KRAS: variants seen among roughly 807,000 people sequenced by gnomAD.
KRAS encodes the protein GTPase KRas.
A neutral mutation model predicts 21.0 loss-of-function variants in KRAS; 1 was observed. The ratio of observed to expected loss-of-function variants is 0.05; its 90% CI spans 0.02 to 0.23. The LOEUF (loss-of-function observed/expected upper bound fraction) is 0.23, where lower values mean the gene tolerates loss of function less well. KRAS is among the 10% of genes least tolerant of loss of function. The probability of loss-of-function intolerance (pLI) is 1.00; values close to 1 mark genes in which losing one functional copy is unlikely to be tolerated. For missense variants in KRAS, 107 were observed against 221.8 expected (o/e 0.48, Z 3.29); for synonymous variants, 67 against 72.5 (o/e 0.92, Z 0.39).
chr12:25,243,592 A>ACTTTATTTGG (rs946914976), intron 2 of KRAS, among the ~76,000 whole-genome samples: 1 of 152,202 alleles, frequency 6.6e-6, no homozygotes, highest in African/African-American at 2.4e-5. Flanking sequence ...CTCATATAGC[A>ACTTTATTTGG]CTCATGACCT....
chr12:25,230,879 A>G (rs17329025), intron 2 of KRAS, among the ~76,000 whole-genome samples: 57,892 of 151,908 alleles, frequency 0.38, 12,957 homozygotes, highest in East Asian at 0.79. Flanking sequence ...TTGAGCATTC[A>G]GTTGACATTT....
intron 4 of KRAS, among the ~76,000 whole-genome samples, chr12:25,221,253 GAC>G (rs1951321605): frequency 7.0e-6 from 1 of 142,274 alleles, no homozygotes; most frequent in Non-Finnish European, 1.5e-5. Flanking sequence ...TTTTTTTTGA[GAC>G]AGAGTCTCGC....
At chr12:25,244,016 T>G (rs1951644512) in intron 2 of KRAS, among the ~76,000 whole-genome samples, 1 of 152,204 alleles carries the variant, frequency 6.6e-6, no homozygotes, top group African/African-American at 2.4e-5. Context: ...TTTTTTATAG[T>G]ACCAAAAATA....
chr12:25,218,802 T>C (rs1354082259), intron 4 of KRAS, among the ~76,000 whole-genome samples: 1 of 152,188 alleles, frequency 6.6e-6, no homozygotes, highest in Non-Finnish European at 1.5e-5. Flanking sequence ...AGATAAAATA[T>C]AGCTGAAACA....
chr12:25,237,817 G>A (rs1565889041), intron 2 of KRAS, among the ~76,000 whole-genome samples: 1 of 152,110 alleles, frequency 6.6e-6, no homozygotes, highest in East Asian at 1.9e-4. Context: ...CTACACGCAG[G>A]CCAAAAAGTA....
In KRAS at chr12:25,208,145, T is replaced by C. The variant is rs1342685443; in HGVS notation, c.*1650A>G. 2 of 229,518 alleles carry C rather than the reference T, an allele frequency of 8.7e-6. No individual in the cohort carries two copies. Among genetic ancestry groups the C allele is most frequent in the Non-Finnish European group, 1.7e-5 (2 of 116,932 alleles). The allele number at this position is 229,518 out of a possible 1,614,324, so 14.2% of individuals were successfully genotyped here. On this transcript the variant is annotated 3_prime_UTR_variant, in exon 5 of 5. Transcript: ENST00000311936. ...ACAAATAAGTGTATCCTTATGTAAA[T>C]GGAATATAAATTACATAGTTGTAAA... is the stretch of plus-strand genomic sequence containing the variant.
At chr12:25,224,864 T>A (rs1951370227) in intron 4 of KRAS, among the ~76,000 whole-genome samples, 1 of 152,154 alleles carries the variant, frequency 6.6e-6, no homozygotes, top group Admixed American at 6.5e-5. Flanking sequence ...TTAGAAAGTA[T>A]CCCTGTCATT....
chr12:25,222,918 A>AACAAG (rs1951345943), intron 4 of KRAS, among the ~76,000 whole-genome samples: 1 of 152,200 alleles, frequency 6.6e-6, no homozygotes. Context: ...AAGTGGGACT[A>AACAAG]ACAAGACTCT....
chr12:25,214,140 TG>T (rs750089248), intron 4 of KRAS, among the ~76,000 whole-genome samples: 1 of 152,196 alleles, frequency 6.6e-6, no homozygotes, highest in South Asian at 2.1e-4. Flanking sequence ...AGTAGGAGAC[TG>T]GGGAATCATG....
At chr12:25,225,250 C>T (rs996882811) in intron 4 of KRAS, 2 of 143,064 alleles carry the variant, frequency 1.4e-5, no homozygotes, top group Non-Finnish European at 3.0e-5. Context: ...AAAGTACTAC[C>T]GAAATAGAAA....
Position 25,250,912 on chromosome 12 carries a change from G to GCCA in KRAS, c.-174_-173insTGG, listed in dbSNP as rs930543959. 5 of 249,412 alleles carry GCCA rather than the reference G, an allele frequency of 2.0e-5. No individual in the cohort carries two copies. The highest frequency in any genetic ancestry group is 3.0e-5 in the Non-Finnish European group (4 of 132,246). 15.4% of individuals were successfully genotyped at this position (249,412 alleles called of 1,614,324 possible). ...TGCCGCCGCCGCTGCTGCCTCCGCC[G>GCCA]CCGCGGCCGCCGCCTAGGAAAATCG... is the stretch of plus-strand genomic sequence containing the variant. On this transcript the variant is annotated 5_prime_UTR_variant, in exon 1 of 5. Transcript: ENST00000311936.
At chr12:25,250,730 G>C (rs1417331506) in intron 1 of KRAS, 21 bp downstream of exon 1, 2 of 188,358 alleles carry the variant, frequency 1.1e-5, no homozygotes, top group Non-Finnish European at 2.2e-5. Flanking sequence ...AGGGGCCCAG[G>C]AGGGGTGGTC....
chr12:25,221,588 G>A (rs544137431), intron 4 of KRAS, among the ~76,000 whole-genome samples: 2 of 151,906 alleles, frequency 1.3e-5, no homozygotes, highest in Admixed American at 6.6e-5. Context: ...CATTTTAAAG[G>A]GTCATAATTA....
intron 4 of KRAS, among the ~76,000 whole-genome samples, chr12:25,217,722 C>A (rs1373001903): frequency 1.3e-5 from 2 of 152,008 alleles, no homozygotes; most frequent in African/African-American, 4.8e-5. Context: ...GAGTTTGAGA[C>A]CTCATCTCTA....
intron 2 of KRAS, among the ~76,000 whole-genome samples, chr12:25,241,541 A>G (rs1411104346): frequency 1.3e-5 from 2 of 152,220 alleles, no homozygotes; most frequent in East Asian, 3.8e-4. Context: ...TATACTTGAA[A>G]ATCTAACATA....
At chr12:25,244,606 A>G (rs1951652968) in intron 2 of KRAS, among the ~76,000 whole-genome samples, 1 of 152,172 alleles carries the variant, frequency 6.6e-6, no homozygotes, top group Non-Finnish European at 1.5e-5. Context: ...TTACTTTGGT[A>G]AATTTTCATT....
At chr12:25,236,863 T>C (rs1951550921) in intron 2 of KRAS, among the ~76,000 whole-genome samples, 1 of 152,042 alleles carries the variant, frequency 6.6e-6, no homozygotes, top group Non-Finnish European at 1.5e-5. Context: ...AAGACAGAGC[T>C]ACCATATAAC....
At chr12:25,218,596 CCA>C (rs1210156147) in intron 4 of KRAS, among the ~76,000 whole-genome samples, 2 of 152,024 alleles carry the variant, frequency 1.3e-5, no homozygotes, top group East Asian at 3.9e-4. Flanking sequence ...CAGTTATTTA[CCA>C]CAGTTTTTCA....
At chr12:25,226,849 C>T (rs1041336984) in intron 3 of KRAS, among the ~76,000 whole-genome samples, 17 of 152,164 alleles carry the variant, frequency 1.1e-4, no homozygotes, top group African/African-American at 4.1e-4. Flanking sequence ...CTATGCTATA[C>T]ACACGATTGC....
Sources: allele counts gnomAD v4.1 joint callset (sites outside exome capture counted in the v4.1 genomes callset), GRCh38; gene constraint gnomAD v4.1.1; transcripts MANE v1.5; gene names NCBI Gene and HGNC (gene_info 2026-07-23, HGNC 2026-07-21).